KLF17: variants seen among roughly 807,000 people sequenced by gnomAD.
KLF17 encodes the protein Krueppel-like factor 17.
In KLF17, 31 loss-of-function variants were observed where a neutral mutation model predicts 34.2. The observed-to-expected ratio is 0.91, with a 90% confidence interval of 0.68 to 1.22. The LOEUF (loss-of-function observed/expected upper bound fraction) is 1.22, where lower values mean the gene tolerates loss of function less well. Among genes scored for constraint, KLF17 ranks in the 50% most tolerant of loss-of-function variants. The pLI is 0.00. For synonymous variants in KLF17, 179 were observed against 186.7 expected, an observed-to-expected ratio of 0.96 and a Z score of 0.34; for missense variants, 478 against 505.2, an observed-to-expected ratio of 0.95 and a Z score of 0.52.
At chr1:44,076,460 T>TC in the KLF17 span, 1 of 152,284 alleles carries the variant, frequency 6.6e-6, no homozygotes, top group Non-Finnish European at 1.5e-5. Flanking sequence ...AAGAAAGCAT[T>TC]ACCACATTAA....
At position 44,130,193 on chromosome 1, in the gene KLF17, A is replaced by G. The variant is rs2088090843; in HGVS notation, c.922A>G (p.Thr308Ala). 2 of 1,609,718 alleles carry G rather than the reference A, an allele frequency of 1.2e-6. No homozygotes were observed. Among genetic ancestry groups the G allele is most frequent in the African/African-American group, 1.3e-5 (1 of 74,866 alleles). The change falls in exon 2 of 4, where the codon ACA becomes GCA. Residue 308 changes from threonine (T) to alanine (A), a missense_variant. Coordinates refer to ENST00000372299, the MANE Select transcript of KLF17 (RefSeq NM_173484.4). Reference protein sequence around the residue: ...SHLVSHQRKHTGERPYSCNWE... With the variant: ...SHLVSHQRKHAGERPYSCNWE... ...CCTCGTGAGCCACCAGCGCAAGCAC[A>G]CAGGTGAAGGAGGTGTCAGGTGGGG...
chr1:44,104,512 G>T, the KLF17 span: 4 of 736,712 alleles, frequency 5.4e-6, no homozygotes, highest in Non-Finnish European at 7.5e-6. Flanking sequence ...TCCTGGGTGC[G>T]CATGGCCTGG....
At chr1:44,095,854 A>G in the KLF17 span, among the ~76,000 whole-genome samples, 1 of 152,006 alleles carries the variant, frequency 6.6e-6, no homozygotes. Context: ...TAGAAATGAC[A>G]AAGTTTGTAT....
chr1:44,072,966 C>T, the KLF17 span, among the ~76,000 whole-genome samples: 6 of 152,090 alleles, frequency 3.9e-5, no homozygotes, highest in Admixed American at 3.3e-4. Context: ...AAGCAGAGGT[C>T]TGGGAATTGA....
chr1:44,057,077 C>A, the KLF17 span, among the ~76,000 whole-genome samples: 1 of 152,034 alleles, frequency 6.6e-6, no homozygotes, highest in Non-Finnish European at 1.5e-5. Flanking sequence ...GAGCCCCTGC[C>A]TAACCCTGGT....
At chr1:44,089,763 C>T in the KLF17 span, among the ~76,000 whole-genome samples, 2 of 152,178 alleles carry the variant, frequency 1.3e-5, no homozygotes, top group African/African-American at 2.4e-5. Context: ...GAACAAAGGT[C>T]AGCAAATAAC....
the KLF17 span, chr1:44,103,673 C>T: frequency 6.8e-6 from 11 of 1,610,010 alleles, no homozygotes; most frequent in African/African-American, 4.0e-5. Context: ...GCAGCTGCCG[C>T]GCCATGTCCT....
At chr1:44,103,419 G>T in the KLF17 span, 1 of 780,942 alleles carries the variant, frequency 1.3e-6, no homozygotes, top group Non-Finnish European at 2.3e-6. Flanking sequence ...GCGGCTGAAG[G>T]AGCTGGCGCC....
the KLF17 span, among the ~76,000 whole-genome samples, chr1:44,079,466 C>T: frequency 2.0e-5 from 3 of 151,958 alleles, no homozygotes; most frequent in Admixed American, 6.6e-5. Flanking sequence ...TGCTCAGCTA[C>T]ATTTTTTGTT....
At chr1:44,122,762 T>A (rs973345648) in intron 1 of KLF17, among the ~76,000 whole-genome samples, 1 of 152,118 alleles carries the variant, frequency 6.6e-6, no homozygotes, top group Admixed American at 6.6e-5. Flanking sequence ...CACGCCCGGC[T>A]ACTTTTTTGT....
At chr1:44,044,741 C>CT in the KLF17 span, 7 of 152,450 alleles carry the variant, frequency 4.6e-5, no homozygotes, top group East Asian at 1.3e-3. Context: ...TTCCTCATCT[C>CT]TAACATGGGG....
At chr1:44,111,684 G>C in the KLF17 span, among the ~76,000 whole-genome samples, 2 of 152,000 alleles carry the variant, frequency 1.3e-5, no homozygotes, top group Admixed American at 1.3e-4. Flanking sequence ...ATGAGGTCAG[G>C]AGTTCGAGAC....
chr1:44,082,939 CT>C, the KLF17 span, among the ~76,000 whole-genome samples: 15,456 of 129,554 alleles, frequency 0.12, 893 homozygotes, highest in South Asian at 0.2. Flanking sequence ...TGTCTTTAAA[CT>C]TTTTTTTTTT....
the KLF17 span, among the ~76,000 whole-genome samples, chr1:44,060,644 T>G: frequency 1.3e-5 from 2 of 152,100 alleles, no homozygotes; most frequent in African/African-American, 4.8e-5. Context: ...CTAGGGTGGC[T>G]TTGCTTACCT....
rs562797801 is a variant in KLF17, at chr1:44,119,004, G to C, written c.81+16G>C. The C allele has an allele frequency of 5.1e-5, 81 of 1,593,986 alleles. No homozygotes were observed. In the East Asian group the frequency reaches 1.8e-3, roughly 36 times the overall value. On this transcript the variant is annotated intron_variant, in intron 1 of 3. Coordinates refer to ENST00000372299, the MANE Select transcript of KLF17 (RefSeq NM_173484.4). ...GGCTGCCCAGGTGAGTCAGGTGCCA[G>C]CCCCTGGCAGGCCGGGCGGGCCCAG...
At chr1:44,046,005 G>A in the KLF17 span, 1 of 152,054 alleles carries the variant, frequency 6.6e-6, no homozygotes, top group Non-Finnish European at 1.5e-5. Flanking sequence ...CAGTCTTGGT[G>A]TATGTAGACG....
At chr1:44,083,277 T>C in the KLF17 span, among the ~76,000 whole-genome samples, 2 of 141,446 alleles carry the variant, frequency 1.4e-5, no homozygotes, top group African/African-American at 5.0e-5. Flanking sequence ...GAGAATTGAG[T>C]AGGGTTTTTT....
the KLF17 span, among the ~76,000 whole-genome samples, chr1:44,084,739 A>G: frequency 6.6e-6 from 1 of 150,750 alleles, no homozygotes; most frequent in Non-Finnish European, 1.5e-5. Context: ...CTCATTGCTG[A>G]GCAATGAGCA....
chr1:44,064,869 C>T, the KLF17 span, among the ~76,000 whole-genome samples: 2 of 152,124 alleles, frequency 1.3e-5, no homozygotes, highest in Non-Finnish European at 2.9e-5. Flanking sequence ...AGCTGCTAAT[C>T]GTGTGCACAA....
Sources: gnomAD v4.1 joint callset for allele counts (sites outside exome capture counted in the v4.1 genomes callset) on GRCh38, gnomAD v4.1.1 for gene constraint, MANE v1.5 for transcripts, NCBI Gene and HGNC (gene_info 2026-07-23, HGNC 2026-07-21) for gene names.